Variants in RALA observed in about 807,000 individuals in gnomAD.
RALA encodes the protein RAS like proto-oncogene A.
A neutral mutation model predicts 24.0 loss-of-function variants in RALA; 5 were observed. The ratio of observed to expected loss-of-function variants is 0.21; its 90% confidence interval spans 0.11 to 0.44. The LOEUF (loss-of-function observed/expected upper bound fraction) is 0.44, where lower values mean the gene tolerates loss of function less well. Ranked by LOEUF, RALA falls within the 20% of genes least tolerant of loss-of-function variation. The pLI, the probability that RALA is intolerant of heterozygous loss-of-function variation, is 0.99. For synonymous variants in RALA, 77 were observed against 83.8 expected, an observed-to-expected ratio of 0.92 and a Z score of 0.44; for missense variants, 95 against 241.2, an observed-to-expected ratio of 0.39 and a Z score of 4.01.
chr7:39,658,120 G>A (rs1792125607), intron 1 of RALA, among the ~76,000 whole-genome samples: 1 of 152,214 alleles, frequency 6.6e-6, no homozygotes. Context: ...ACAGACAGTT[G>A]CTAAATGCAG....
chr7:39,683,360 G>A (rs1792639676), intron 1 of RALA, among the ~76,000 whole-genome samples: 2 of 152,074 alleles, frequency 1.3e-5, no homozygotes, highest in South Asian at 2.1e-4. Flanking sequence ...GAGCTGACTG[G>A]TTTCTTCAAA....
At position 39,625,099 on chromosome 7, in the gene RALA, C is replaced by T. The variant is rs143897869; in HGVS notation, c.-38+1274C>T. On this transcript the variant is annotated intron_variant, in intron 1 of 4. Coordinates refer to ENST00000005257, the MANE Select transcript of RALA (RefSeq NM_005402.4). ...ATGCAGTATGCCTTGAACATAGAAG[C>T]TGTTCACACATTTCTGCACTGAATG... Among the ~76,000 whole-genome samples the T allele has an allele frequency of 3.7e-3, 571 of 152,296 alleles. 4 individuals carry two copies. The highest frequency in any genetic ancestry group is 0.013 in the African/African-American group (555 of 41,562).
chr7:39,646,577 A>T (rs1272725327), intron 1 of RALA, among the ~76,000 whole-genome samples: 1 of 151,978 alleles, frequency 6.6e-6, no homozygotes, highest in Non-Finnish European at 1.5e-5. Context: ...CTAGTGAGCC[A>T]TGTTCTTGCT....
chr7:39,641,409 A>G (rs978973116), intron 1 of RALA, among the ~76,000 whole-genome samples: 3 of 152,210 alleles, frequency 2.0e-5, no homozygotes, highest in African/African-American at 7.2e-5. Flanking sequence ...CTCCCAAGGA[A>G]GGGAGGGGAC....
At chr7:39,631,010 TG>T (rs1403548918) in intron 1 of RALA, among the ~76,000 whole-genome samples, 15 of 109,164 alleles carry the variant, frequency 1.4e-4, no homozygotes, top group African/African-American at 2.4e-4. Context: ...TTTTTGTTTT[TG>T]TTTTTTTTTT....
intron 1 of RALA, among the ~76,000 whole-genome samples, chr7:39,676,554 A>G (rs1583739894): frequency 6.6e-6 from 1 of 152,230 alleles, no homozygotes; most frequent in South Asian, 2.1e-4. Flanking sequence ...TTAGAGGGTC[A>G]TATCATCACT....
chr7:39,683,439 T>A (rs1306926697), intron 1 of RALA, among the ~76,000 whole-genome samples: 1 of 152,124 alleles, frequency 6.6e-6, no homozygotes, highest in African/African-American at 2.4e-5. Context: ...AAGTAGCTCC[T>A]CCCCCCATTG....
chr7:39,628,489 C>T (rs1791535277), intron 1 of RALA, among the ~76,000 whole-genome samples: 1 of 152,116 alleles, frequency 6.6e-6, no homozygotes, highest in African/African-American at 2.4e-5. Flanking sequence ...TTCATGGCAC[C>T]CTTATTATCG....
At chr7:39,675,108 G>C (rs1389421516) in intron 1 of RALA, among the ~76,000 whole-genome samples, 2 of 152,132 alleles carry the variant, frequency 1.3e-5, no homozygotes, top group Non-Finnish European at 2.9e-5. Context: ...TTACAGGCGT[G>C]AGCCAGTTTT....
chr7:39,658,247 T>C (rs1331152439), intron 1 of RALA, among the ~76,000 whole-genome samples: 2 of 152,200 alleles, frequency 1.3e-5, no homozygotes, highest in East Asian at 1.9e-4. Context: ...TCCATGACTT[T>C]GCTCCTTTTT....
At chr7:39,690,326 A>G in intron 2 of RALA, 56 bp from the exon 3 acceptor site, 1 of 1,457,602 alleles carries the variant, frequency 6.9e-7, no homozygotes, top group South Asian at 1.2e-5. Context: ...TAATTATTTC[A>G]AAATAAGTTT....
At chr7:39,704,585 T>TG (rs1425534641) in intron 4 of RALA, among the ~76,000 whole-genome samples, 1 of 152,254 alleles carries the variant, frequency 6.6e-6, no homozygotes, top group Admixed American at 6.5e-5. Flanking sequence ...CCCAAAGTAC[T>TG]GGGACTACAG....
At chr7:39,698,684 G>A (rs1792963930) in intron 4 of RALA, among the ~76,000 whole-genome samples, 1 of 152,140 alleles carries the variant, frequency 6.6e-6, no homozygotes, top group African/African-American at 2.4e-5. Flanking sequence ...TGAACCTAAG[G>A]GGAGTGGGGA....
At position 39,652,744 on chromosome 7, in the gene RALA, AT is replaced by A. The variant is rs576828170; in HGVS notation, c.-38+28920del. 2.1e-3 allele frequency among the ~76,000 whole-genome samples: 323 copies of A among 152,226 alleles called. 1 individual carries two copies. Among genetic ancestry groups the A allele is most frequent in the Middle Eastern group, 0.01 (3 of 294 alleles). ...AGGATTTGAATTTCTTTGTAGTCAA[AT>A]CTTGATGTAGTTGAATTAATTAATT... On this transcript the variant is annotated intron_variant, in intron 1 of 4. Transcript: ENST00000005257.
intron 1 of RALA, among the ~76,000 whole-genome samples, chr7:39,668,234 A>G (rs113982201): frequency 1.3e-5 from 2 of 152,244 alleles, no homozygotes; most frequent in Non-Finnish European, 2.9e-5. Flanking sequence ...CAATACTAGC[A>G]TAGTTACTGT....
rs998666233 is a variant in RALA at position 39,696,722 on chromosome 7, C to G, written c.361C>G (p.Pro121Ala). Residue 121 changes from proline to alanine, a missense_variant, in exon 4 of 5, where the codon CCA (proline) becomes GCA (alanine). By Grantham distance (27) the Pro-to-Ala change is conservative (BLOSUM62 -1). Coordinates refer to ENST00000005257, the MANE Select transcript of RALA (RefSeq NM_005402.4). ...ILRVKEDENV[P>A]FLLVGNKSDL... ...AAGAGTAAAAGAAGATGAGAATGTT[C>G]CATTTCTACTGGTTGGTAACAAATC... 1.9e-6 allele frequency: 3 copies of G among 1,608,818 alleles called. No individual in the cohort carries two copies. In the African/African-American group the frequency reaches 4.0e-5, roughly 22 times the overall value.
intron 1 of RALA, among the ~76,000 whole-genome samples, chr7:39,684,172 A>G (rs1038499263): frequency 6.6e-6 from 1 of 152,204 alleles, no homozygotes. Context: ...ATACCCAGGT[A>G]AAAGAGTGGC....
chr7:39,696,953 A>T, intron 4 of RALA, 94 bp downstream of exon 4: 3 of 1,196,716 alleles, frequency 2.5e-6, no homozygotes, highest in Non-Finnish European at 3.5e-6. Context: ...TGAAACTTTC[A>T]AATAGAGGTT....
At chr7:39,645,475 T>C (rs1348098134) in intron 1 of RALA, among the ~76,000 whole-genome samples, 3 of 152,214 alleles carry the variant, frequency 2.0e-5, no homozygotes, top group Admixed American at 1.3e-4. Context: ...GGAATGATGA[T>C]AGTAATTGAG....
Sources: allele counts gnomAD v4.1 joint callset (sites outside exome capture counted in the v4.1 genomes callset), GRCh38; gene constraint gnomAD v4.1.1; transcripts MANE v1.5; gene names NCBI Gene and HGNC (gene_info 2026-07-23, HGNC 2026-07-21).